FOCAD: variants seen among roughly 807,000 people sequenced by gnomAD.
FOCAD encodes focadhesin.
Under a neutral mutation model 225.6 loss-of-function variants are expected in FOCAD, and 198 were observed. The observed-to-expected ratio is 0.88, with a 90% CI of 0.78 to 0.99. FOCAD has a LOEUF of 0.99. FOCAD is among the 50% of genes least tolerant of loss of function. The probability of loss-of-function intolerance (pLI) is 0.00; values close to 1 mark genes in which losing one functional copy is unlikely to be tolerated. For synonymous variants in FOCAD, 897 were observed against 755.0 expected (o/e 1.19, Z -3.08); for missense variants, 2,713 against 2,123.6 (o/e 1.28, Z -5.46).
chr9:20,699,562 A>T (rs962445252), intron 1 of FOCAD, among the ~76,000 whole-genome samples: 20 of 150,812 alleles, frequency 1.3e-4, no homozygotes, highest in African/African-American at 3.9e-4. Context: ...TAACACAGTG[A>T]AACCCTGTCT....
At chr9:20,938,863 T>A (rs1234191674) in intron 28 of FOCAD, among the ~76,000 whole-genome samples, 1 of 152,044 alleles carries the variant, frequency 6.6e-6, no homozygotes, top group African/African-American at 2.4e-5. Context: ...TTTTGCTGAT[T>A]TACTTTTTAA....
intron 20 of FOCAD, among the ~76,000 whole-genome samples, chr9:20,884,534 T>C (rs1214894561): frequency 1.3e-5 from 2 of 152,064 alleles, no homozygotes; most frequent in Non-Finnish European, 2.9e-5. Flanking sequence ...TGACCTCAAG[T>C]GATCTGCCTA....
At chr9:20,959,362 T>A (rs188227532) in intron 35 of FOCAD, among the ~76,000 whole-genome samples, 5 of 152,224 alleles carry the variant, frequency 3.3e-5, no homozygotes, top group Admixed American at 6.5e-5. Flanking sequence ...TATCTGTTAA[T>A]TTCCCCATCT....
At chr9:20,829,109 G>C (rs1311820359) in intron 15 of FOCAD, among the ~76,000 whole-genome samples, 1 of 152,082 alleles carries the variant, frequency 6.6e-6, no homozygotes, top group Non-Finnish European at 1.5e-5. Flanking sequence ...ACGTGCGCAT[G>C]TGTCTTTGTA....
intron 5 of FOCAD, among the ~76,000 whole-genome samples, chr9:20,756,214 C>T (rs989114036): frequency 3.3e-5 from 5 of 151,984 alleles, no homozygotes; most frequent in African/African-American, 7.3e-5. Flanking sequence ...GGTAGCATTC[C>T]CGTCAGTCAG....
At chr9:20,920,259 T>C (rs532395350) in intron 24 of FOCAD, among the ~76,000 whole-genome samples, 1,606 of 144,658 alleles carry the variant, frequency 0.011, 28 homozygotes, top group African/African-American at 0.039. Flanking sequence ...AAAACCACAA[T>C]GAGATACCAT....
At chr9:20,727,256 C>T (rs1014223560) in intron 4 of FOCAD, among the ~76,000 whole-genome samples, 1 of 152,080 alleles carries the variant, frequency 6.6e-6, no homozygotes, top group Non-Finnish European at 1.5e-5. Flanking sequence ...GTTCCAGCCA[C>T]TTTTCTGATC....
intron 35 of FOCAD, among the ~76,000 whole-genome samples, chr9:20,961,748 T>C (rs1285181436): frequency 6.6e-6 from 1 of 152,194 alleles, no homozygotes; most frequent in East Asian, 1.9e-4. Flanking sequence ...CTCCTGGATG[T>C]AAGTAATCTC....
intron 10 of FOCAD, among the ~76,000 whole-genome samples, chr9:20,788,081 T>C (rs1820116583): frequency 6.6e-6 from 1 of 152,210 alleles, no homozygotes; most frequent in African/African-American, 2.4e-5. Flanking sequence ...TATCCATCCA[T>C]TGATAGTGGA....
chr9:20,751,325 A>C (rs1200459501), intron 5 of FOCAD, among the ~76,000 whole-genome samples: 125 of 102,998 alleles, frequency 1.2e-3, no homozygotes, highest in Admixed American at 3.2e-3. Flanking sequence ...CCCACCCCAC[A>C]ACAGTCCCCA....
At chr9:20,762,052 A>G (rs1417406139) in intron 6 of FOCAD, among the ~76,000 whole-genome samples, 1 of 152,182 alleles carries the variant, frequency 6.6e-6, no homozygotes, top group Non-Finnish European at 1.5e-5. Context: ...TCAAATCATA[A>G]TGGCATCTTG....
intron 2 of FOCAD, among the ~76,000 whole-genome samples, chr9:20,668,403 CTTTA>C (rs1821957707): frequency 6.6e-6 from 1 of 152,134 alleles, no homozygotes; most frequent in South Asian, 2.1e-4. Flanking sequence ...AAGCAAGTTG[CTTTA>C]TTTACTAGCA....
intron 7 of FOCAD, among the ~76,000 whole-genome samples, chr9:20,766,271 C>G (rs1166647222): frequency 1.5e-4 from 23 of 152,098 alleles, no homozygotes; most frequent in Admixed American, 1.5e-3. Flanking sequence ...AAAGGGGATA[C>G]ATCATTTGGA....
chr9:20,963,067 A>G lies in FOCAD; in HGVS notation c.4132+10002A>G, dbSNP rs187755375. On this transcript the variant is annotated intron_variant, in intron 35 of 43. Coordinates refer to ENST00000338382, the MANE Select transcript of FOCAD (RefSeq NM_001375567.1). ...CTGCCAAATATTTTCTCAATTTCCA[A>G]CAGCTACTATAGTTCCTCTCATTCC... Among the ~76,000 whole-genome samples the G allele has an allele frequency of 1.2e-3, 187 of 152,226 alleles. 3 individuals carry two copies. Among genetic ancestry groups the G allele is most frequent in the Non-Finnish European group, 1.7e-3 (118 of 68,006 alleles).
intron 21 of FOCAD, among the ~76,000 whole-genome samples, chr9:20,900,972 G>C (rs1486127355): frequency 6.6e-6 from 1 of 151,826 alleles, no homozygotes; most frequent in Non-Finnish European, 1.5e-5. Flanking sequence ...CCTAGGAAGA[G>C]ATGAGTGTCA....
In FOCAD at chr9:20,758,153, G is replaced by A; in HGVS notation, c.456G>A (p.Leu152=). ...GACCTGATTGCTGGCCAGTGTTTTTGCAGCAGCTGACAGCGTTTTTCCAGC... is the reference window on the plus strand; with the variant it reads ...GACCTGATTGCTGGCCAGTGTTTTTACAGCAGCTGACAGCGTTTTTCCAGC... ...EHRPDCWPVF[L]QQLTAFFQQC... Residue 152 remains leucine, a synonymous_variant, in exon 6 of 44, where the codon TTG becomes TTA. Coordinates refer to ENST00000338382, the MANE Select transcript of FOCAD (RefSeq NM_001375567.1). The A allele has an allele frequency of 1.2e-6, 2 of 1,612,298 alleles. No homozygotes were observed. The highest frequency in any genetic ancestry group is 1.7e-6 in the Non-Finnish European group (2 of 1,179,302).
chr9:20,800,305 T>A (rs1344800844), intron 11 of FOCAD, among the ~76,000 whole-genome samples: 1 of 152,138 alleles, frequency 6.6e-6, no homozygotes, highest in Middle Eastern at 3.2e-3. Flanking sequence ...TCAACTTTGG[T>A]GAATCTGACA....
In FOCAD at chr9:20,819,763, G is replaced by T. The variant is rs1036526235; in HGVS notation, c.1456-33G>T. ...TTATATATTACTTTTTTGTAACAAG[G>T]CATATTTAATATATTTTAAAAATTC... On this transcript the variant is annotated intron_variant, in intron 11 of 43. Transcript: ENST00000338382. The T allele has an allele frequency of 3.4e-6, 4 of 1,174,228 alleles. No individual in the cohort carries two copies. The African/African-American group carries it at 6.4e-5, about 19-fold the overall frequency. The allele number at this position is 1,174,228 out of a possible 1,614,324, so 72.7% of individuals were successfully genotyped here.
intron 2 of FOCAD, among the ~76,000 whole-genome samples, chr9:20,676,852 A>G (rs904822324): frequency 2.6e-5 from 4 of 152,214 alleles, no homozygotes; most frequent in African/African-American, 9.6e-5. Flanking sequence ...TCCCTAAAAA[A>G]TTTTGATAAT....
Sources: allele counts gnomAD v4.1 joint callset (sites outside exome capture counted in the v4.1 genomes callset), GRCh38; gene constraint gnomAD v4.1.1; transcripts MANE v1.5; gene names NCBI Gene and HGNC (gene_info 2026-07-23, HGNC 2026-07-21).